The following CACNB4 variants were observed in gnomAD, a reference collection of about 807,000 sequenced individuals.
The protein encoded by CACNB4 is voltage-dependent L-type calcium channel subunit beta-4.
CACNB4 carries 32 observed loss-of-function variants against 71.2 expected under a neutral mutation model. The ratio of observed to expected loss-of-function variants is 0.45; its 90% confidence interval spans 0.34 to 0.60. The LOEUF (loss-of-function observed/expected upper bound fraction) is 0.60. Among genes scored for constraint, CACNB4 ranks in the 20% least tolerant of loss-of-function variants. The pLI, the probability that CACNB4 is intolerant of heterozygous loss-of-function variation, is 0.01. For missense variants in CACNB4, 464 were observed against 647.9 expected (o/e 0.72, Z 3.08); for synonymous variants, 231 against 236.9 (o/e 0.97, Z 0.23).
At chr2:152,093,399 T>TGG (rs1310427212) in intron 2 of CACNB4, among the ~76,000 whole-genome samples, 1 of 115,906 alleles carries the variant, frequency 8.6e-6, no homozygotes, top group Non-Finnish European at 1.7e-5. Context: ...TGCTGTTTTT[T>TGG]GGTGTGTGTG....
chr2:151,871,735 T>C (rs1385551482), intron 6 of CACNB4: 2 of 152,558 alleles, frequency 1.3e-5, no homozygotes, highest in African/African-American at 2.4e-5. Context: ...GGTAATACAA[T>C]TGGAATTGGT....
chr2:152,043,023 A>G (rs1345346097), intron 2 of CACNB4, among the ~76,000 whole-genome samples: 1 of 152,198 alleles, frequency 6.6e-6, no homozygotes, highest in Admixed American at 6.5e-5. Context: ...ACAACAGTTT[A>G]CAGATGCCAT....
intron 2 of CACNB4, among the ~76,000 whole-genome samples, chr2:152,085,269 G>C (rs947058575): frequency 6.6e-6 from 1 of 152,128 alleles, no homozygotes; most frequent in African/African-American, 2.4e-5. Flanking sequence ...AACAGATCCG[G>C]GGAGATGGGA....
intron 2 of CACNB4, among the ~76,000 whole-genome samples, chr2:151,987,315 G>A (rs1045781841): frequency 6.6e-5 from 10 of 152,104 alleles, no homozygotes; most frequent in Non-Finnish European, 1.0e-4. Flanking sequence ...GTATACTCCC[G>A]TAGCTCAGTG....
At chr2:151,943,273 T>C (rs1185478756) in intron 2 of CACNB4, among the ~76,000 whole-genome samples, 2 of 152,218 alleles carry the variant, frequency 1.3e-5, no homozygotes, top group African/African-American at 4.8e-5. Context: ...CGTTGAAATA[T>C]TGGGGGAGGG....
intron 2 of CACNB4, among the ~76,000 whole-genome samples, chr2:151,912,187 G>GT (rs955431009): frequency 3.4e-4 from 51 of 152,144 alleles, no homozygotes; most frequent in African/African-American, 1.2e-3. Flanking sequence ...TCTGATCTTA[G>GT]TTATTTCTTG....
chr2:151,948,121 A>G (rs1263024105), intron 2 of CACNB4, among the ~76,000 whole-genome samples: 1 of 152,314 alleles, frequency 6.6e-6, no homozygotes, highest in East Asian at 1.9e-4. Context: ...AAAATCTCTC[A>G]TGAGAAACTA....
chr2:152,095,193 G>A (rs895609118), intron 2 of CACNB4, among the ~76,000 whole-genome samples: 1 of 152,154 alleles, frequency 6.6e-6, no homozygotes, highest in Admixed American at 6.5e-5. Context: ...CAGAAACAAG[G>A]TCAAAGATTC....
rs1355842905 is a variant in CACNB4 at position 151,877,050 on chromosome 2, CATAG to C, written c.391-498_391-495del. Among the ~76,000 whole-genome samples the C allele has an allele frequency of 6.7e-5, 9 of 134,278 alleles. No homozygotes were observed. The East Asian group carries it at 1.2e-3, about 18-fold the overall frequency. The allele number at this position is 134,278 out of a possible 152,430, so 88.1% of individuals were successfully genotyped here. A position where few individuals can be genotyped will look rare whatever the true frequency, so the allele number is the denominator to read the frequency against. Reference sequence around the variant, plus strand: ...GTGCATATATAGATCTATATATACACATAGATAGCTATATATACACATAGATATC... The same window carrying C: ...GTGCATATATAGATCTATATATACACATAGCTATATATACACATAGATATC... On this transcript the variant is annotated intron_variant, in intron 4 of 13. Transcript: ENST00000539935.
chr2:152,037,030 G>A (rs1407228100), intron 2 of CACNB4, among the ~76,000 whole-genome samples: 1 of 152,216 alleles, frequency 6.6e-6, no homozygotes, highest in African/African-American at 2.4e-5. Context: ...AAACGTTCTT[G>A]ATGGCCTTAG....
At position 152,013,859 on chromosome 2, in the gene CACNB4, G is replaced by C. The variant is rs528001817; in HGVS notation, c.147+84471C>G. On this transcript the variant is annotated intron_variant, in intron 2 of 13. Transcript: ENST00000539935. ...CAGCATACCTTTTACAGACTTCCCA[G>C]CTTTGCTCCATATGGATGAAATGCT... 9.2e-5 allele frequency among the ~76,000 whole-genome samples: 14 copies of C among 152,334 alleles called. No individual in the cohort carries two copies. In the South Asian group the frequency reaches 2.9e-3, roughly 32 times the overall value.
In CACNB4 at chr2:151,853,500, T is replaced by C; in HGVS notation, c.1064A>G (p.Lys355Arg). The C allele has an allele frequency of 6.2e-7, 1 of 1,601,634 alleles. No homozygotes were observed. The highest frequency in any genetic ancestry group is 1.1e-5 in the South Asian group (1 of 87,798). Residue 355 changes from lysine (K) to arginine (R), a missense_variant, in exon 12 of 14, where the codon AAA (lysine) becomes AGA (arginine). Physicochemically the swap from Lys to Arg is conservative, Grantham distance 26. Coordinates refer to ENST00000539935, the MANE Select transcript of CACNB4 (RefSeq NM_000726.5). ...TGCCACCAGTTGAACATTCAAGTGT[T>C]TACTTTGTGACTTTCCTCTAGATTT... Reference protein sequence around the residue: ...LIKSRGKSQSKHLNVQLVAAD... With the variant: ...LIKSRGKSQSRHLNVQLVAAD...
chr2:151,839,895 T>C (rs927444057), intron 13 of CACNB4, among the ~76,000 whole-genome samples: 3 of 152,214 alleles, frequency 2.0e-5, no homozygotes, highest in African/African-American at 4.8e-5. Flanking sequence ...AATAAAGTGT[T>C]TCTGCATCCT....
chr2:151,915,803 C>T (rs972765126), intron 2 of CACNB4, among the ~76,000 whole-genome samples: 15 of 141,398 alleles, frequency 1.1e-4, no homozygotes, highest in South Asian at 2.2e-4. Context: ...GCTGAGATTG[C>T]GCCATAGCAC....
rs950117300 is a variant in CACNB4, at chr2:151,837,976, C to A, written c.*1143G>T. On this transcript the variant is annotated 3_prime_UTR_variant, in exon 14 of 14. Coordinates refer to ENST00000539935, the MANE Select transcript of CACNB4 (RefSeq NM_000726.5). ...CCTGAATATCAAAGTTGAGTGTGTC[C>A]ACATAAAACGAAATTCCTTAGCATG... The A allele has an allele frequency of 6.6e-6, 1 of 151,970 alleles. No individual in the cohort carries two copies. The highest frequency in any genetic ancestry group is 1.5e-5 in the Non-Finnish European group (1 of 67,974). 9.4% of individuals were successfully genotyped at this position (151,970 alleles called of 1,614,324 possible).
intron 2 of CACNB4, among the ~76,000 whole-genome samples, chr2:151,986,244 GA>G (rs888943423): frequency 7.5e-4 from 114 of 151,920 alleles, no homozygotes; most frequent in Non-Finnish European, 1.4e-3. Context: ...TGTTTCATAT[GA>G]AAAAAAAGTA....
chr2:152,078,215 T>C (rs1277737548), intron 2 of CACNB4, among the ~76,000 whole-genome samples: 5 of 152,174 alleles, frequency 3.3e-5, no homozygotes, highest in Non-Finnish European at 7.3e-5. Context: ...CATCACTTCA[T>C]CTGCATCCAT....
chr2:152,053,681 G>A (rs1390268444), intron 2 of CACNB4, among the ~76,000 whole-genome samples: 4 of 151,952 alleles, frequency 2.6e-5, no homozygotes, highest in Admixed American at 6.6e-5. Context: ...ATGCTACCAT[G>A]CTCAGCTAAT....
chr2:151,998,592 G>C (rs1682209799), intron 2 of CACNB4, among the ~76,000 whole-genome samples: 2 of 152,094 alleles, frequency 1.3e-5, no homozygotes, highest in South Asian at 4.1e-4. Context: ...AAATGATAAG[G>C]CCTGTACAGA....
Sources: allele counts gnomAD v4.1 joint callset (sites outside exome capture counted in the v4.1 genomes callset), GRCh38; gene constraint gnomAD v4.1.1; transcripts MANE v1.5; gene names NCBI Gene and HGNC (gene_info 2026-07-23, HGNC 2026-07-21).